TCF12: variants seen among roughly 807,000 people sequenced by gnomAD.
TCF12 encodes transcription factor 12, also known as DNA-binding protein HTF4.
A neutral mutation model predicts 86.0 loss-of-function variants in TCF12; 45 were observed. The ratio of observed to expected loss-of-function variants is 0.52; its 90% confidence interval spans 0.41 to 0.67. The LOEUF is 0.67. Among genes scored for constraint, TCF12 ranks in the 30% least tolerant of loss-of-function variants. The pLI is 0.00. For missense variants in TCF12, 881 were observed against 859.9 expected, an observed-to-expected ratio of 1.02 and a Z score of -0.31; for synonymous variants, 330 against 299.6, an observed-to-expected ratio of 1.10 and a Z score of -1.05.
At chr15:57,189,076 G>A (rs2056841710) in intron 6 of TCF12, among the ~76,000 whole-genome samples, 1 of 152,160 alleles carries the variant, frequency 6.6e-6, no homozygotes, top group African/African-American at 2.4e-5. Context: ...GGCGTGAGCT[G>A]CCACGCCTAG....
At chr15:57,005,330 A>G (rs1392239437) in intron 3 of TCF12, among the ~76,000 whole-genome samples, 1 of 152,204 alleles carries the variant, frequency 6.6e-6, no homozygotes, top group Non-Finnish European at 1.5e-5. Context: ...TGCATATACT[A>G]TATAAACACT....
chr15:57,014,074 C>T (rs2065001383), intron 3 of TCF12, among the ~76,000 whole-genome samples: 1 of 152,174 alleles, frequency 6.6e-6, no homozygotes, highest in Non-Finnish European at 1.5e-5. Context: ...TGATCTAGGT[C>T]ACGTTGCATG....
chr15:57,281,493 T>TA (rs2152129831), intron 19 of TCF12, among the ~76,000 whole-genome samples: 1 of 152,320 alleles, frequency 6.6e-6, no homozygotes, highest in Admixed American at 6.5e-5. Flanking sequence ...AGTGGCCTGT[T>TA]ACGAACGAAC....
chr15:57,247,546 T>C, intron 13 of TCF12: 1 of 927,266 alleles, frequency 1.1e-6, no homozygotes. Flanking sequence ...TAAAAGCAAA[T>C]CCTGTCTTTT....
chr15:57,089,581 A>G (rs2048857913), intron 4 of TCF12, among the ~76,000 whole-genome samples: 1 of 80,532 alleles, frequency 1.2e-5, no homozygotes, highest in African/African-American at 5.8e-5. Context: ...GCTTTAGGAA[A>G]TAGTTTTTTT....
intron 3 of TCF12, among the ~76,000 whole-genome samples, chr15:56,980,751 C>T (rs1274869574): frequency 2.0e-5 from 3 of 152,154 alleles, no homozygotes; most frequent in Non-Finnish European, 4.4e-5. Context: ...TTCTCTTTTC[C>T]TGTAGGATTT....
chr15:57,261,523 T>A (rs908249076), intron 16 of TCF12, among the ~76,000 whole-genome samples: 2 of 152,190 alleles, frequency 1.3e-5, no homozygotes, highest in Non-Finnish European at 2.9e-5. Context: ...ACAGTGGTTC[T>A]CATGTATAAC....
At position 56,990,438 on chromosome 15, in the gene TCF12, GC is replaced by G. The variant is rs531111919; in HGVS notation, c.148+69342del. 8.5e-5 allele frequency among the ~76,000 whole-genome samples: 13 copies of G among 152,120 alleles called. No individual in the cohort carries two copies. In the South Asian group the frequency reaches 2.7e-3, roughly 32 times the overall value. On this transcript the variant is annotated intron_variant, in intron 3 of 20. Coordinates refer to ENST00000333725, the MANE Select transcript of TCF12 (RefSeq NM_207037.2). The stretch of plus-strand genomic sequence containing the variant: ...ACTTGTAGTTATAGGATAAATGTAT[GC>G]CAAAGCTTTCTTCAAAGAAAGCTCC...
chr15:56,932,783 T>C (rs1268630957), intron 3 of TCF12, among the ~76,000 whole-genome samples: 1 of 152,180 alleles, frequency 6.6e-6, no homozygotes, highest in African/African-American at 2.4e-5. Context: ...CAGGCTGTTC[T>C]TTAATTCTGC....
chr15:57,048,681 G>C (rs940641896), intron 3 of TCF12, among the ~76,000 whole-genome samples: 1 of 151,782 alleles, frequency 6.6e-6, no homozygotes, highest in East Asian at 1.9e-4. Flanking sequence ...GGTTTGTATC[G>C]AGTTACAATT....
chr15:57,075,145 A>G (rs534299818), intron 4 of TCF12, among the ~76,000 whole-genome samples: 4 of 152,330 alleles, frequency 2.6e-5, no homozygotes, highest in Non-Finnish European at 5.9e-5. Flanking sequence ...TTATTTTGTG[A>G]TTAAATAATT....
At chr15:56,970,502 A>G (rs1416248472) in intron 3 of TCF12, among the ~76,000 whole-genome samples, 1 of 129,446 alleles carries the variant, frequency 7.7e-6, no homozygotes, top group Non-Finnish European at 1.7e-5. Flanking sequence ...AAAAAAAAAA[A>G]CAAGATTACT....
intron 3 of TCF12, among the ~76,000 whole-genome samples, chr15:57,025,815 A>G (rs1346880): frequency 0.18 from 27,616 of 152,164 alleles, 3,008 homozygotes; most frequent in Non-Finnish European, 0.24. Context: ...GTTAATAGAA[A>G]TGTGGTGTCA....
intron 8 of TCF12, among the ~76,000 whole-genome samples, chr15:57,202,646 A>G (rs931636661): frequency 6.6e-6 from 1 of 151,732 alleles, no homozygotes; most frequent in Non-Finnish European, 1.5e-5. Flanking sequence ...CGCTATAGCC[A>G]GGATGGTCTC....
At chr15:57,095,225 G>A (rs545911312) in intron 5 of TCF12, among the ~76,000 whole-genome samples, 3 of 152,242 alleles carry the variant, frequency 2.0e-5, no homozygotes, top group East Asian at 1.9e-4. Context: ...AGCTTTGACC[G>A]TAGCAGTGAA....
intron 4 of TCF12, among the ~76,000 whole-genome samples, chr15:57,081,201 G>T (rs1294231279): frequency 1.3e-5 from 2 of 152,100 alleles, no homozygotes; most frequent in Non-Finnish European, 2.9e-5. Context: ...ATGAATTACT[G>T]TTTGAACAGA....
At chr15:57,123,204 A>G (rs1485673662) in intron 5 of TCF12, among the ~76,000 whole-genome samples, 1 of 152,252 alleles carries the variant, frequency 6.6e-6, no homozygotes, top group East Asian at 1.9e-4. Context: ...ATTTAAATGA[A>G]GTGAATGAGC....
chr15:57,173,433 C>G (rs1443031489), intron 6 of TCF12, among the ~76,000 whole-genome samples: 1 of 151,946 alleles, frequency 6.6e-6, no homozygotes, highest in East Asian at 1.9e-4. Context: ...ATAGAAAAAA[C>G]TAACAAAACC....
At chr15:57,278,159 G>T (rs2152118525) in intron 19 of TCF12, among the ~76,000 whole-genome samples, 1 of 152,062 alleles carries the variant, frequency 6.6e-6, no homozygotes, top group East Asian at 2.0e-4. Flanking sequence ...AAAGCATCTG[G>T]AACATATGCT....
Sources: gnomAD v4.1 joint callset for allele counts (sites outside exome capture counted in the v4.1 genomes callset) on GRCh38, gnomAD v4.1.1 for gene constraint, MANE v1.5 for transcripts, NCBI Gene and HGNC (gene_info 2026-07-23, HGNC 2026-07-21) for gene names.